The following FAM20B variants were observed in gnomAD, a reference collection of about 807,000 sequenced individuals.
The protein encoded by FAM20B is FAM20B glycosaminoglycan xylosylkinase, also known as glycosaminoglycan xylosylkinase.
A neutral mutation model predicts 43.8 loss-of-function variants in FAM20B; 23 were observed. That is an observed-to-expected ratio of 0.53 (90% CI 0.38 to 0.74). FAM20B has a LOEUF of 0.74. Among genes scored for constraint, FAM20B ranks in the 30% least tolerant of loss-of-function variants. The pLI is 0.00. For synonymous variants in FAM20B, 178 were observed against 192.4 expected, an observed-to-expected ratio of 0.93 and a Z score of 0.62; for missense variants, 440 against 510.5, an observed-to-expected ratio of 0.86 and a Z score of 1.33.
At chr1:179,068,440 A>ATT (rs35721038) in intron 7 of FAM20B, among the ~76,000 whole-genome samples, 1 of 147,926 alleles carries the variant, frequency 6.8e-6, no homozygotes, top group Non-Finnish European at 1.5e-5. Flanking sequence ...AATATAAAGA[A>ATT]TTTTTTTTTT....
chr1:179,068,566 G>T (rs1203283989), intron 7 of FAM20B, among the ~76,000 whole-genome samples: 1 of 152,082 alleles, frequency 6.6e-6, no homozygotes, highest in Non-Finnish European at 1.5e-5. Flanking sequence ...CTCCCAAGTA[G>T]TTGGGATTAC....
In FAM20B at chr1:179,073,769, T is replaced by C. The variant is rs1572565966; in HGVS notation, c.*1625T>C. Reference sequence around the variant, plus strand: ...GTTGTATTATGCTTCTTTCTCCTCTTAGCACTCTCAAATTTCAGGTTTGTA... The same window carrying C: ...GTTGTATTATGCTTCTTTCTCCTCTCAGCACTCTCAAATTTCAGGTTTGTA... On this transcript the variant is annotated 3_prime_UTR_variant, in exon 8 of 8. Coordinates refer to ENST00000263733, the MANE Select transcript of FAM20B (RefSeq NM_014864.4). The C allele has an allele frequency of 6.6e-6, 1 of 152,366 alleles. No individual in the cohort carries two copies. Among genetic ancestry groups the C allele is most frequent in the Non-Finnish European group, 1.5e-5 (1 of 68,046 alleles). The allele number at this position is 152,366 out of a possible 1,614,324, so 9.4% of individuals were successfully genotyped here.
chr1:179,038,150 T>C (rs1650328565), intron 1 of FAM20B, among the ~76,000 whole-genome samples: 1 of 152,182 alleles, frequency 6.6e-6, no homozygotes, highest in Non-Finnish European at 1.5e-5. Flanking sequence ...GGCTCATGCC[T>C]GTAATCCCAG....
chr1:179,019,007 T>C, the FAM20B span, among the ~76,000 whole-genome samples: 21,725 of 152,120 alleles, frequency 0.14, 1,813 homozygotes, highest in East Asian at 0.31. Flanking sequence ...CCAGCTAAAG[T>C]AGTCAGAGAT....
intron 4 of FAM20B, among the ~76,000 whole-genome samples, chr1:179,059,176 A>G (rs1422089905): frequency 1.3e-5 from 2 of 152,252 alleles, no homozygotes; most frequent in African/African-American, 4.8e-5. Flanking sequence ...TGAGTTGATC[A>G]GAAAACCAGT....
At position 179,074,522 on chromosome 1, in the gene FAM20B, T is replaced by G. The variant is rs1156346878; in HGVS notation, c.*2378T>G. 1.3e-5 allele frequency: 2 copies of G among 152,178 alleles called. No individual in the cohort carries two copies. Among genetic ancestry groups the G allele is most frequent in the African/African-American group, 4.8e-5 (2 of 41,432 alleles). 9.4% of individuals were successfully genotyped at this position (152,178 alleles called of 1,614,324 possible). ...TAAGAAGTCTTCTGAAACTGGGAACTTCATAACATTGAAGGCAGAAGATTC... is the reference window on the plus strand; with the variant it reads ...TAAGAAGTCTTCTGAAACTGGGAACGTCATAACATTGAAGGCAGAAGATTC... On this transcript the variant is annotated 3_prime_UTR_variant, in exon 8 of 8. Transcript: ENST00000263733.
At chr1:179,040,940 T>G in intron 1 of FAM20B, among the ~76,000 whole-genome samples, 2 of 131,874 alleles carry the variant, frequency 1.5e-5, no homozygotes, top group African/African-American at 3.0e-5. Flanking sequence ...CCAGACGGGG[T>G]CACGGCCGGG....
chr1:179,050,432 C>A, intron 3 of FAM20B, 67 bp downstream of exon 3: 3 of 1,116,078 alleles, frequency 2.7e-6, no homozygotes, highest in South Asian at 1.2e-5. Context: ...GGAGAGGACT[C>A]GTGGACTCCT....
chr1:179,024,561 T>G (rs1314918190), upstream of FAM20B, among the ~76,000 whole-genome samples: 2 of 152,164 alleles, frequency 1.3e-5, no homozygotes, highest in East Asian at 3.8e-4. Context: ...TTATGTATTC[T>G]CCGGCCAGAA....
Position 179,044,341 on chromosome 1 carries a change from G to A in FAM20B, c.377+117G>A, listed in dbSNP as rs1002580647. The A allele has an allele frequency of 8.8e-6, 10 of 1,142,356 alleles. No homozygotes were observed. In the African/African-American group the frequency reaches 1.1e-4, roughly 12 times the overall value. 70.8% of individuals were successfully genotyped at this position (1,142,356 alleles called of 1,614,324 possible). A position where few individuals can be genotyped will look rare whatever the true frequency, so the allele number is the denominator to read the frequency against. ...AAGTCTCTTCAGTAAAATAAGAGGG[G>A]TAGACTAGATCTCTAAAGTCTTTTC... On this transcript the variant is annotated intron_variant, in intron 2 of 7. Transcript: ENST00000263733.
At chr1:179,071,798 T>C in intron 7 of FAM20B, 115 bp from the exon 8 acceptor site, 1 of 724,112 alleles carries the variant, frequency 1.4e-6, no homozygotes, top group Non-Finnish European at 2.4e-6. Context: ...GCAAAAATTA[T>C]TTAGTTAAAG....
chr1:179,021,596 C>G (rs1649605227), upstream of FAM20B, among the ~76,000 whole-genome samples: 1 of 152,198 alleles, frequency 6.6e-6, no homozygotes, highest in Non-Finnish European at 1.5e-5. Flanking sequence ...TTAAGTGATA[C>G]ACAGCTTTGA....
upstream of FAM20B, among the ~76,000 whole-genome samples, chr1:179,021,978 C>T (rs191778670): frequency 3.3e-5 from 5 of 152,150 alleles, no homozygotes; most frequent in Admixed American, 3.3e-4. Flanking sequence ...AGCAGAGAAG[C>T]TGGGTGTGCT....
At chr1:179,051,957 A>G (rs989635910) in intron 3 of FAM20B, among the ~76,000 whole-genome samples, 1 of 152,048 alleles carries the variant, frequency 6.6e-6, no homozygotes, top group Non-Finnish European at 1.5e-5. Flanking sequence ...CTAAAAATGA[A>G]TTTATAAGGA....
At chr1:179,063,847 C>G in intron 4 of FAM20B, 80 bp from the exon 5 acceptor site, 1 of 983,470 alleles carries the variant, frequency 1.0e-6, no homozygotes, top group Non-Finnish European at 1.5e-6. Flanking sequence ...TACTTAGCTA[C>G]TCTGTTCTGC....
At chr1:179,038,891 CT>C in intron 1 of FAM20B, among the ~76,000 whole-genome samples, 1 of 152,370 alleles carries the variant, frequency 6.6e-6, no homozygotes, top group East Asian at 1.9e-4. Flanking sequence ...TTAACTCTCA[CT>C]TTCTGCTTCC....
At position 179,043,772 on chromosome 1, in the gene FAM20B, C is replaced by G. The variant is rs1258319220; in HGVS notation, c.-76C>G. On this transcript the variant is annotated 5_prime_UTR_variant, in exon 2 of 8. Transcript: ENST00000263733. The stretch of plus-strand genomic sequence containing the variant: ...ACCAATGTGTATAATCATGGAATCT[C>G]CTTGCTAACCATCACCACCAGCTCT... The G allele has an allele frequency of 1.4e-6, 2 of 1,410,222 alleles. No individual in the cohort carries two copies. Among genetic ancestry groups the G allele is most frequent in the East Asian group, 2.3e-5 (1 of 43,356 alleles). 87.4% of individuals were successfully genotyped at this position (1,410,222 alleles called of 1,614,324 possible).
At chr1:179,063,755 G>A (rs895568898) in intron 4 of FAM20B, among the ~76,000 whole-genome samples, 172 bp from the exon 5 acceptor site, 4 of 152,102 alleles carry the variant, frequency 2.6e-5, no homozygotes, top group South Asian at 2.1e-4. Context: ...TTTTTACACC[G>A]TGTGCTTTTT....
intron 1 of FAM20B, among the ~76,000 whole-genome samples, chr1:179,041,063 C>T (rs936797574): frequency 4.0e-5 from 6 of 149,638 alleles, no homozygotes; most frequent in South Asian, 2.1e-4. Flanking sequence ...GGATGGCGGC[C>T]GGGAAGAGGC....
Sources: allele counts gnomAD v4.1 joint callset (sites outside exome capture counted in the v4.1 genomes callset), GRCh38; gene constraint gnomAD v4.1.1; transcripts MANE v1.5; gene names NCBI Gene and HGNC (gene_info 2026-07-23, HGNC 2026-07-21).